The following SMPD4 variants were observed in gnomAD, a reference collection of about 807,000 sequenced individuals.
The protein encoded by SMPD4 is sphingomyelin phosphodiesterase 4, also known as neutral sphingomyelinase 3.
A neutral mutation model predicts 97.8 loss-of-function variants in SMPD4; 58 were observed. That is an observed-to-expected ratio of 0.59 (90% CI 0.48 to 0.74). The LOEUF (loss-of-function observed/expected upper bound fraction) is 0.74. Ranked by LOEUF, SMPD4 falls within the 30% of genes least tolerant of loss-of-function variation. The pLI, the probability that SMPD4 is intolerant of heterozygous loss-of-function variation, is 0.00. For synonymous variants in SMPD4, 388 were observed against 450.0 expected, an observed-to-expected ratio of 0.86 and a Z score of 1.74; for missense variants, 853 against 1,080.5, an observed-to-expected ratio of 0.79 and a Z score of 2.95.
In SMPD4 at chr2:130,173,558, C is replaced by T; in HGVS notation, c.225G>A (p.Val75=). The change falls in exon 4 of 20, where the codon GTG becomes GTA. Residue 75 remains valine, a synonymous_variant. Coordinates refer to ENST00000680298, the MANE Select transcript of SMPD4 (RefSeq NM_017951.5). The part of the protein sequence containing the change: ...GWNLRCLQGR[V]NPVEYSIVME... ...TCACGATGCTGTACTCCACAGGATT[C>T]ACGCGCCCCTGTAAGCAGCGGAGGT... The T allele has an allele frequency of 6.2e-7, 1 of 1,613,178 alleles. No individual in the cohort carries two copies. The highest frequency in any genetic ancestry group is 1.1e-5 in the South Asian group (1 of 90,980).
chr2:130,156,938 C>T (rs1573670635), intron 12 of SMPD4: 2 of 993,272 alleles, frequency 2.0e-6, no homozygotes. Context: ...AAACAGCCCA[C>T]TCTGCTGGCC....
At position 130,173,369 on chromosome 2, in the gene SMPD4, GAACA is replaced by G. The variant is rs776607306; in HGVS notation, c.270-19_270-16del. 1.4e-5 allele frequency: 22 copies of G among 1,610,356 alleles called. No homozygotes were observed. Among genetic ancestry groups the G allele is most frequent in the African/African-American group, 1.1e-4 (8 of 74,646 alleles). On this transcript the variant is annotated splice_polypyrimidine_tract_variant and intron_variant, in intron 4 of 19. Transcript: ENST00000680298. ...TCATTGGGCCACTGAACACGAAATT[GAACA>G]AACAAACAAAAACAGGGCAAATGAA...
At chr2:130,170,458 CAAA>C (rs556058599) in intron 8 of SMPD4, among the ~76,000 whole-genome samples, 7 of 64,668 alleles carry the variant, frequency 1.1e-4, no homozygotes, top group Admixed American at 2.0e-4. Flanking sequence ...AAGACCCTGT[CAAA>C]AAAAAAAAAA....
chr2:130,167,426 G>A (rs1349597274), intron 9 of SMPD4, 32 bp downstream of exon 9: 1 of 1,611,838 alleles, frequency 6.2e-7, no homozygotes, highest in African/African-American at 1.3e-5. Context: ...CCAGCTGGCT[G>A]AACAGTTTCT....
chr2:130,168,360 G>A (rs960288595), intron 8 of SMPD4, among the ~76,000 whole-genome samples: 6 of 152,076 alleles, frequency 3.9e-5, no homozygotes, highest in African/African-American at 1.4e-4. Context: ...GGAGGTTGAG[G>A]TTGCTGTGAG....
chr2:130,173,794 C>A, intron 3 of SMPD4, 138 bp from the exon 4 acceptor site: 2 of 1,125,274 alleles, frequency 1.8e-6, no homozygotes, highest in Non-Finnish European at 2.5e-6. Flanking sequence ...GCCCTGCACC[C>A]AAAGGAAGCC....
At chr2:130,176,451 A>G (rs549935995) in intron 2 of SMPD4, 103 bp downstream of exon 2, 1 of 911,018 alleles carries the variant, frequency 1.1e-6, no homozygotes, top group Non-Finnish European at 1.7e-6. Context: ...GCCCCTAAAA[A>G]ACAACCACTA....
chr2:130,181,691 G>A (rs1302510698), upstream of SMPD4: 27 of 1,548,370 alleles, frequency 1.7e-5, no homozygotes, highest in Non-Finnish European at 1.9e-5. Flanking sequence ...CGTGCGCAAA[G>A]CGAAGGCCGG....
chr2:130,179,928 C>G (rs1689357888), intron 1 of SMPD4, among the ~76,000 whole-genome samples: 1 of 151,800 alleles, frequency 6.6e-6, no homozygotes, highest in Non-Finnish European at 1.5e-5. Flanking sequence ...GCAGAGATTA[C>G]AGACGTGAGT....
rs573015848 is a variant in SMPD4 at position 130,160,883 on chromosome 2, C to T, written c.951+303G>A. ...CAGCTCTTCAAACCAGGGCCAAGCA[C>T]GAGGCCTCCAACACTGGAGAGCTTG... On this transcript the variant is annotated intron_variant, in intron 11 of 19. Coordinates refer to ENST00000680298, the MANE Select transcript of SMPD4 (RefSeq NM_017951.5). 7.9e-5 allele frequency among the ~76,000 whole-genome samples: 12 copies of T among 152,274 alleles called. No individual in the cohort carries two copies. The South Asian group carries it at 1.7e-3, about 21-fold the overall frequency.
chr2:130,161,363 G>C (rs181407437), intron 10 of SMPD4, 91 bp from the exon 11 acceptor site: 7 of 979,606 alleles, frequency 7.1e-6, no homozygotes, highest in Admixed American at 3.6e-5. Flanking sequence ...GACCAGACAC[G>C]GGAGGGGGAA....
rs1188611517 is a variant in SMPD4 at position 130,173,521 on chromosome 2, C to T, written c.262G>A (p.Asp88Asn). Residue 88 changes from aspartate (D) to asparagine (N), a missense_variant, in exon 4 of 20, where the codon GAC becomes AAC. By Grantham distance (23) the Asp-to-Asn change is conservative (BLOSUM62 1). Around this residue, in one of 3 missense-constraint regions of SMPD4, gnomAD observed 313 missense variants for 402.2 expected, o/e 0.78. Coordinates refer to ENST00000680298, the MANE Select transcript of SMPD4 (RefSeq NM_017951.5). ...VEYSIVMEFL[D>N]PGGPMMKLVY... ...GGTGACCAACCTACCTACCCAGGGT[C>T]GAGAAATTCCATCACGATGCTGTAC... 4 of 1,601,286 alleles carry T rather than the reference C, an allele frequency of 2.5e-6. No homozygotes were observed. Among genetic ancestry groups the T allele is most frequent in the African/African-American group, 1.3e-5 (1 of 74,860 alleles).
At chr2:130,171,146 T>TTTG (rs1688425040) in intron 8 of SMPD4, among the ~76,000 whole-genome samples, 1 of 151,196 alleles carries the variant, frequency 6.6e-6, no homozygotes, top group Admixed American at 6.6e-5. Context: ...TTTTTTTTTT[T>TTTG]TGTGTGTGTG....
At chr2:130,175,416 A>G (rs1688888905) in intron 2 of SMPD4, among the ~76,000 whole-genome samples, 2 of 150,976 alleles carry the variant, frequency 1.3e-5, no homozygotes, top group Non-Finnish European at 3.0e-5. Context: ...CTGATGGACC[A>G]CCGTGATTAC....
At chr2:130,163,595 T>A (rs896266169) in intron 10 of SMPD4, among the ~76,000 whole-genome samples, 6 of 152,252 alleles carry the variant, frequency 3.9e-5, no homozygotes, top group African/African-American at 1.4e-4. Flanking sequence ...ACAGACGCCA[T>A]GGGCACCAGA....
At chr2:130,156,336 G>A (rs977506508) in intron 13 of SMPD4, 62 of 662,502 alleles carry the variant, frequency 9.4e-5, no homozygotes, top group Non-Finnish European at 7.3e-5. Flanking sequence ...CCAGCCCAGG[G>A]GGCAGAGTAC....
Position 130,166,193 on chromosome 2 carries a change from T to C in SMPD4, c.792+1265A>G, listed in dbSNP as rs745791240. On this transcript the variant is annotated intron_variant, in intron 9 of 19. Coordinates refer to ENST00000680298, the MANE Select transcript of SMPD4 (RefSeq NM_017951.5). The stretch of plus-strand genomic sequence containing the variant: ...GCATGGCAGTGGGCACCTGTAATCC[T>C]AGCTACTCGGGGGGCTGAGGCGGGA... 5.5e-4 allele frequency among the ~76,000 whole-genome samples: 82 copies of C among 149,386 alleles called. 1 individual carries two copies. The highest frequency in any genetic ancestry group is 8.9e-4 in the Non-Finnish European group (60 of 67,778).
At chr2:130,160,425 G>A (rs528151052) in intron 11 of SMPD4, among the ~76,000 whole-genome samples, 20 of 152,306 alleles carry the variant, frequency 1.3e-4, no homozygotes, top group African/African-American at 3.4e-4. Flanking sequence ...CGTCTCCCCC[G>A]GCTCTCACAG....
rs1688049159 is a variant in SMPD4, at chr2:130,167,522, T to TGA, written c.726_727dup (p.His243LeufsTer6). On this transcript the variant is annotated frameshift_variant, in exon 9 of 20. Coordinates refer to ENST00000680298, the MANE Select transcript of SMPD4 (RefSeq NM_017951.5). LOFTEE classifies it high-confidence loss of function. ...GGGGTCTGCATTCACAGACGTCTGA[T>TGA]GAGAGATGTGTCGCTTTAGGAGGCT... 6.2e-7 allele frequency: 1 copy of TGA among 1,612,840 alleles called. No homozygotes were observed. Among genetic ancestry groups the TGA allele is most frequent in the African/African-American group, 1.3e-5 (1 of 74,870 alleles).
Sources: allele counts gnomAD v4.1 joint callset (sites outside exome capture counted in the v4.1 genomes callset), GRCh38; gene constraint gnomAD v4.1.1; regional missense constraint gnomAD v4.1.1; transcripts MANE v1.5; gene names NCBI Gene and HGNC (gene_info 2026-07-23, HGNC 2026-07-21).